TRIM36: variants seen among roughly 807,000 people sequenced by gnomAD.
The protein encoded by TRIM36 is tripartite motif containing 36.
Under a neutral mutation model 72.4 loss-of-function variants are expected in TRIM36, and 42 were observed. That is an observed-to-expected ratio of 0.58 (90% CI 0.45 to 0.75). The LOEUF is 0.75. Among genes scored for constraint, TRIM36 ranks in the 30% least tolerant of loss-of-function variants. TRIM36 has a pLI of 0.00. For missense variants in TRIM36, 913 were observed against 857.1 expected (o/e 1.07, Z -0.81); for synonymous variants, 315 against 282.8 (o/e 1.11, Z -1.14).
chr5:115,167,379 A>G (rs1405949409), intron 1 of TRIM36, among the ~76,000 whole-genome samples: 1 of 152,184 alleles, frequency 6.6e-6, no homozygotes, highest in Non-Finnish European at 1.5e-5. Context: ...TTACTTAAGC[A>G]AATTTCTGCA....
chr5:115,169,981 G>A, upstream of TRIM36: 1 of 1,135,334 alleles, frequency 8.8e-7, no homozygotes, highest in Non-Finnish European at 1.1e-6. Flanking sequence ...CCTGGTCGTT[G>A]CCCAGGCAAC....
upstream of TRIM36, among the ~76,000 whole-genome samples, chr5:115,174,451 T>C (rs1240587195): frequency 1.3e-5 from 2 of 152,208 alleles, no homozygotes; most frequent in East Asian, 1.9e-4. Flanking sequence ...GGACCACCTA[T>C]ACTGCTGGGT....
intron 1 of TRIM36, among the ~76,000 whole-genome samples, chr5:115,175,632 G>C (rs1057034551): frequency 6.6e-6 from 1 of 151,760 alleles, no homozygotes; most frequent in Non-Finnish European, 1.5e-5. Context: ...CTTTTACAAA[G>C]TAGTTTAGGA....
upstream of TRIM36, among the ~76,000 whole-genome samples, chr5:115,170,891 G>A (rs527361334): frequency 6.6e-6 from 1 of 152,376 alleles, no homozygotes; most frequent in Admixed American, 6.5e-5. Context: ...CCAGCTCAAG[G>A]ACTGGCGGCG....
intron 1 of TRIM36, chr5:115,177,807 G>A (rs765437951): frequency 1.9e-6 from 3 of 1,614,118 alleles, no homozygotes; most frequent in Non-Finnish European, 2.5e-6. Flanking sequence ...AGGGACAGCG[G>A]GCCTCTCCAC....
chr5:115,169,494 T>G, intron 1 of TRIM36, 114 bp downstream of exon 1: 1 of 1,190,874 alleles, frequency 8.4e-7, no homozygotes, highest in Non-Finnish European at 1.1e-6. Context: ...CCCACACGCC[T>G]GCCTTTGCTC....
chr5:115,172,915 A>C (rs961377035), upstream of TRIM36, among the ~76,000 whole-genome samples: 1 of 152,224 alleles, frequency 6.6e-6, no homozygotes, highest in African/African-American at 2.4e-5. Context: ...CTCTTCACTC[A>C]CATTGTATTA....
chr5:115,129,172 G>C (rs906117602), intron 9 of TRIM36, among the ~76,000 whole-genome samples: 2 of 152,120 alleles, frequency 1.3e-5, no homozygotes, highest in African/African-American at 4.8e-5. Context: ...ATCTAAGTTT[G>C]TGTAAGAACA....
Position 115,137,367 on chromosome 5 carries a change from G to T in TRIM36, c.1081C>A (p.Leu361Ile). The T allele has an allele frequency of 6.2e-7, 1 of 1,605,184 alleles. No individual in the cohort carries two copies. Among genetic ancestry groups the T allele is most frequent in the Middle Eastern group, 1.7e-4 (1 of 5,974 alleles). ...CFVQTAKQLH[L>I]RIQKATESLK... Reference sequence around the variant, plus strand: ...GTTAGAAGTAAAAGAGAATACCTGAGGTGGAGCTGCTTTGCTGTCTGCACA... The same window carrying T: ...GTTAGAAGTAAAAGAGAATACCTGATGTGGAGCTGCTTTGCTGTCTGCACA... The change falls in exon 6 of 10, where the codon CTC becomes ATC. Residue 361 changes from leucine to isoleucine, a missense_variant. By Grantham distance (5) the Leu-to-Ile change is conservative. Coordinates refer to ENST00000513154, the MANE Select transcript of TRIM36 (RefSeq NM_001300759.2).
At chr5:115,174,759 T>A (rs1277698917), upstream of TRIM36, among the ~76,000 whole-genome samples, 1 of 152,222 alleles carries the variant, frequency 6.6e-6, no homozygotes, top group Non-Finnish European at 1.5e-5. Flanking sequence ...TACACTGATG[T>A]TTGATGTTTT....
intron 2 of TRIM36, chr5:115,149,484 G>A (rs989364934): frequency 5.5e-5 from 8 of 146,084 alleles, no homozygotes; most frequent in African/African-American, 1.5e-4. Flanking sequence ...TTAAAGTAAC[G>A]GGATAATGAA....
At chr5:115,133,773 G>C in intron 8 of TRIM36, 87 bp downstream of exon 8, 1 of 1,355,834 alleles carries the variant, frequency 7.4e-7, no homozygotes. Flanking sequence ...TTCAGTGCAG[G>C]TCTACATGGA....
chr5:115,172,197 G>A (rs573582984), upstream of TRIM36, among the ~76,000 whole-genome samples: 6 of 152,002 alleles, frequency 3.9e-5, no homozygotes, highest in African/African-American at 9.6e-5. Flanking sequence ...TTGTGATATC[G>A]TATGTTGGTA....
intron 9 of TRIM36, among the ~76,000 whole-genome samples, chr5:115,130,280 T>C (rs1385154759): frequency 6.6e-6 from 1 of 152,224 alleles, no homozygotes; most frequent in Non-Finnish European, 1.5e-5. Flanking sequence ...AGACGCATTG[T>C]ATTATATACG....
Position 115,137,475 on chromosome 5 carries a change from C to G in TRIM36, c.973G>C (p.Glu325Gln). 6.2e-7 allele frequency: 1 copy of G among 1,614,174 alleles called. No homozygotes were observed. The highest frequency in any genetic ancestry group is 8.5e-7 in the Non-Finnish European group (1 of 1,180,034). ...LRLDKFQTQM[E>Q]EYQGLLENNG... ...TTCTCTAGAAGTCCCTGGTACTCTTCCATTTGAGTCTGAAATTTGTCTAAT... is the reference window on the plus strand; with the variant it reads ...TTCTCTAGAAGTCCCTGGTACTCTTGCATTTGAGTCTGAAATTTGTCTAAT... Residue 325 changes from glutamate to glutamine, a missense_variant, in exon 6 of 10, where the codon GAA becomes CAA. Glu to Gln is a conservative substitution (Grantham distance 29, BLOSUM62 2). Coordinates refer to ENST00000513154, the MANE Select transcript of TRIM36 (RefSeq NM_001300759.2).
In TRIM36 at chr5:115,147,411, T is replaced by C. The variant is rs754747531; in HGVS notation, c.263-17A>G. ...GCTTCCAGCCTGTGTAATTAGTAAG[T>C]CTTTGTTTAGTTATAGCAGTAGGAA... On this transcript the variant is annotated splice_polypyrimidine_tract_variant and intron_variant, in intron 2 of 9. Transcript: ENST00000513154. The C allele has an allele frequency of 1.2e-6, 2 of 1,603,208 alleles. No homozygotes were observed. Among genetic ancestry groups the C allele is most frequent in the Non-Finnish European group, 1.7e-6 (2 of 1,171,572 alleles).
rs748596152 is a variant in TRIM36 at position 115,149,569 on chromosome 5, GAAAAAAAAAAA to G, written c.263-2186_263-2176del. On this transcript the variant is annotated intron_variant, in intron 2 of 9. Coordinates refer to ENST00000513154, the MANE Select transcript of TRIM36 (RefSeq NM_001300759.2). ...CCCAGAATTGGGTCCTCAGAAATTT[GAAAAAAAAAAA>G]AAAAAAAAAAAAAAAAGTTCATCCC... 2.3e-3 allele frequency: 45 copies of G among 19,262 alleles called. 1 individual carries two copies. Among genetic ancestry groups the G allele is most frequent in the African/African-American group, 6.2e-3 (29 of 4,658 alleles). The allele number at this position is 19,262 out of a possible 1,614,324, so 1.2% of individuals were successfully genotyped here.
At chr5:115,134,653 G>A (rs537542099) in intron 7 of TRIM36, among the ~76,000 whole-genome samples, 16 of 151,958 alleles carry the variant, frequency 1.1e-4, no homozygotes, top group African/African-American at 2.9e-4. Flanking sequence ...TGATTCTCCC[G>A]CCTCAGCCTC....
chr5:115,133,686 C>G (rs183572073), intron 8 of TRIM36, among the ~76,000 whole-genome samples, 174 bp downstream of exon 8: 26 of 152,248 alleles, frequency 1.7e-4, no homozygotes, highest in Admixed American at 9.8e-4. Flanking sequence ...GGTAAAAATT[C>G]AAGTACTCAG....
Sources: allele counts gnomAD v4.1 joint callset (sites outside exome capture counted in the v4.1 genomes callset), GRCh38; gene constraint gnomAD v4.1.1; transcripts MANE v1.5; gene names NCBI Gene and HGNC (gene_info 2026-07-23, HGNC 2026-07-21).